The following PLCB4 variants were observed in gnomAD, a reference collection of about 807,000 sequenced individuals.
The protein encoded by PLCB4 is phospholipase C beta 4.
In PLCB4, 77 loss-of-function variants were observed where a neutral mutation model predicts 178.8. The observed-to-expected ratio is 0.43, with a 90% CI of 0.36 to 0.52. The LOEUF (loss-of-function observed/expected upper bound fraction) is 0.52. PLCB4 is among the 20% of genes least tolerant of loss of function. PLCB4 has a pLI of 0.00. For missense variants in PLCB4, 1,024 were observed against 1,453.4 expected (o/e 0.70, Z 4.80); for synonymous variants, 496 against 490.8 (o/e 1.01, Z -0.14).
intron 12 of PLCB4, among the ~76,000 whole-genome samples, chr20:9,375,547 A>G (rs55715217): frequency 4.8e-4 from 73 of 152,338 alleles, no homozygotes; most frequent in African/African-American, 1.7e-3. Context: ...GATGCAAGAA[A>G]GAGCAAGTAC....
At chr20:9,274,947 C>CTTAA (rs1705716716) in intron 3 of PLCB4, among the ~76,000 whole-genome samples, 1 of 151,962 alleles carries the variant, frequency 6.6e-6, no homozygotes, top group South Asian at 2.1e-4. Flanking sequence ...TATAACCATG[C>CTTAA]TTAAGATACT....
intron 4 of PLCB4, among the ~76,000 whole-genome samples, chr20:9,314,494 G>A (rs185136778): frequency 1.3e-4 from 20 of 151,130 alleles, no homozygotes; most frequent in South Asian, 8.4e-4. Context: ...TTTCTAGCAC[G>A]GGAACTGGAC....
chr20:9,070,026 G>A (rs1033882518), intron 1 of PLCB4, among the ~76,000 whole-genome samples: 4 of 151,448 alleles, frequency 2.6e-5, no homozygotes, highest in Admixed American at 2.6e-4. Flanking sequence ...TTCAGGAAAG[G>A]TGTTTTTTTT....
chr20:9,165,450 TA>T (rs2092953615), intron 2 of PLCB4, among the ~76,000 whole-genome samples: 1 of 152,134 alleles, frequency 6.6e-6, no homozygotes, highest in Non-Finnish European at 1.5e-5. Context: ...CTTGGTGGAT[TA>T]AAAATTGGCA....
At chr20:9,467,040 C>T (rs925052235) in intron 35 of PLCB4, among the ~76,000 whole-genome samples, 1 of 152,076 alleles carries the variant, frequency 6.6e-6, no homozygotes, top group Non-Finnish European at 1.5e-5. Flanking sequence ...AAATGTCCAT[C>T]AGTGATAGAC....
intron 4 of PLCB4, among the ~76,000 whole-genome samples, chr20:9,335,163 A>T (rs2032275364): frequency 6.6e-6 from 1 of 151,992 alleles, no homozygotes; most frequent in Non-Finnish European, 1.5e-5. Flanking sequence ...ATTCATTGGG[A>T]TATATTTGGA....
chr20:9,198,802 CAG>C (rs1238494418), intron 2 of PLCB4, among the ~76,000 whole-genome samples: 1 of 152,132 alleles, frequency 6.6e-6, no homozygotes, highest in African/African-American at 2.4e-5. Flanking sequence ...ATAGAGGAGA[CAG>C]TGTGTCAAAT....
chr20:9,464,698 C>T (rs2043644676), intron 35 of PLCB4, among the ~76,000 whole-genome samples: 1 of 152,092 alleles, frequency 6.6e-6, no homozygotes, highest in Non-Finnish European at 1.5e-5. Flanking sequence ...TGGATAAATT[C>T]CTGGACACAT....
intron 18 of PLCB4, among the ~76,000 whole-genome samples, chr20:9,394,148 T>G (rs2038383080): frequency 6.6e-6 from 1 of 152,162 alleles, no homozygotes; most frequent in South Asian, 2.1e-4. Flanking sequence ...TTTCCTTTTA[T>G]TCTCCCAGGA....
At chr20:9,400,690 A>C (rs1483039087) in intron 19 of PLCB4, among the ~76,000 whole-genome samples, 1 of 152,172 alleles carries the variant, frequency 6.6e-6, no homozygotes, top group Non-Finnish European at 1.5e-5. Flanking sequence ...GAATTACTGC[A>C]AATAGTGATT....
intron 9 of PLCB4, among the ~76,000 whole-genome samples, chr20:9,369,225 G>A (rs753202696): frequency 6.6e-6 from 1 of 152,072 alleles, no homozygotes; most frequent in Non-Finnish European, 1.5e-5. Flanking sequence ...TTTTCATCTC[G>A]TTATGCCAGG....
At chr20:9,379,761 A>T (rs1236760350) in intron 12 of PLCB4, among the ~76,000 whole-genome samples, 1 of 152,152 alleles carries the variant, frequency 6.6e-6, no homozygotes, top group Non-Finnish European at 1.5e-5. Flanking sequence ...GGGAACTGGA[A>T]GACAGTACAA....
chr20:9,297,983 G>A (rs565797065), intron 3 of PLCB4, among the ~76,000 whole-genome samples: 1 of 152,192 alleles, frequency 6.6e-6, no homozygotes, highest in African/African-American at 2.4e-5. Flanking sequence ...CCAGGGCTCA[G>A]AACACAATAC....
chr20:9,329,427 A>AG (rs1170332179), intron 4 of PLCB4, among the ~76,000 whole-genome samples: 1 of 152,316 alleles, frequency 6.6e-6, no homozygotes, highest in African/African-American at 2.4e-5. Flanking sequence ...AAGTTAATGT[A>AG]GAGAAAGTAC....
chr20:9,352,043 G>A (rs142504971), intron 7 of PLCB4, among the ~76,000 whole-genome samples: 3 of 152,316 alleles, frequency 2.0e-5, no homozygotes, highest in African/African-American at 4.8e-5. Flanking sequence ...GATGGTTGCT[G>A]ACTGGCTTAA....
intron 4 of PLCB4, among the ~76,000 whole-genome samples, chr20:9,311,853 T>C (rs1238740180): frequency 6.6e-6 from 1 of 152,136 alleles, no homozygotes; most frequent in Non-Finnish European, 1.5e-5. Flanking sequence ...CTTTCCACAA[T>C]GATAGAAATG....
At chr20:9,465,500 G>A (rs1199723818) in intron 35 of PLCB4, among the ~76,000 whole-genome samples, 1 of 152,178 alleles carries the variant, frequency 6.6e-6, no homozygotes, top group Non-Finnish European at 1.5e-5. Context: ...AATTGTCCCT[G>A]TTTGCACATC....
intron 4 of PLCB4, among the ~76,000 whole-genome samples, chr20:9,313,595 G>C (rs554019124): frequency 3.9e-5 from 6 of 152,220 alleles, no homozygotes; most frequent in Non-Finnish European, 8.8e-5. Context: ...ACCGATTTCT[G>C]CATATTCCTG....
intron 3 of PLCB4, among the ~76,000 whole-genome samples, chr20:9,306,576 G>GA (rs776876122): frequency 1.3e-5 from 2 of 152,186 alleles, no homozygotes; most frequent in South Asian, 2.1e-4. Context: ...TCTTCCCTCT[G>GA]AAAAAATCAG....
Sources: allele counts gnomAD v4.1 joint callset (sites outside exome capture counted in the v4.1 genomes callset), GRCh38; gene constraint gnomAD v4.1.1; transcripts MANE v1.5; gene names NCBI Gene and HGNC (gene_info 2026-07-23, HGNC 2026-07-21).